Variants in SH2D4B observed in about 807,000 individuals in gnomAD.
The protein encoded by SH2D4B is SH2 domain-containing protein 4B.
In SH2D4B, 45 loss-of-function variants were observed where a neutral mutation model predicts 61.5. That is an observed-to-expected ratio of 0.73 (90% CI 0.58 to 0.94). The LOEUF (loss-of-function observed/expected upper bound fraction) is 0.94. Ranked by LOEUF, SH2D4B falls within the 40% of genes least tolerant of loss-of-function variation. The probability of loss-of-function intolerance (pLI) is 0.00; values close to 1 mark genes in which losing one functional copy is unlikely to be tolerated. For missense variants in SH2D4B, 572 were observed against 574.2 expected (o/e 1.00, Z 0.04); for synonymous variants, 224 against 220.4 (o/e 1.02, Z -0.14).
At chr10:80,608,297 CG>C (rs1200800933) in intron 5 of SH2D4B, among the ~76,000 whole-genome samples, 1 of 151,916 alleles carries the variant, frequency 6.6e-6, no homozygotes, top group East Asian at 1.9e-4. Context: ...GCACAGAGGG[CG>C]GGAGGAGGAG....
chr10:80,614,386 C>T (rs1430746152), intron 6 of SH2D4B, among the ~76,000 whole-genome samples: 3 of 152,188 alleles, frequency 2.0e-5, no homozygotes, highest in Non-Finnish European at 4.4e-5. Flanking sequence ...CATGAGAACT[C>T]ACTCACTGTG....
In SH2D4B at chr10:80,609,496, G is replaced by A. The variant is rs561425751; in HGVS notation, c.933G>A (p.Leu311=). The change falls in exon 6 of 8, where the codon CTG becomes CTA. Residue 311 remains leucine (L), a synonymous_variant. Coordinates refer to ENST00000646907, the MANE Select transcript of SH2D4B (RefSeq NM_001388272.1). ...TCCGCTGGTTTAAGGAGGAGCAGCT[G>A]CCTCGCCGAGCTGGCTTCGAGAGGA... is the stretch of plus-strand genomic sequence containing the variant. ...VIVRWFKEEQ[L]PRRAGFERNT... 6.2e-6 allele frequency: 10 copies of A among 1,614,220 alleles called. No homozygotes were observed. The African/African-American group carries it at 1.2e-4, about 19-fold the overall frequency.
At chr10:80,570,413 T>A (rs1165893423) in intron 2 of SH2D4B, 97 bp downstream of exon 2, 56 of 1,387,040 alleles carry the variant, frequency 4.0e-5, no homozygotes, top group Non-Finnish European at 5.3e-5. Context: ...AGAGATGGAG[T>A]TCCATCATGT....
intron 4 of SH2D4B, among the ~76,000 whole-genome samples, chr10:80,590,383 GC>G (rs1459679233): frequency 1.3e-5 from 2 of 152,176 alleles, no homozygotes; most frequent in Non-Finnish European, 2.9e-5. Context: ...TTGTGGGCAA[GC>G]CCTTTACTGT....
intron 6 of SH2D4B, among the ~76,000 whole-genome samples, chr10:80,632,993 C>T (rs1039450517): frequency 3.3e-5 from 5 of 151,714 alleles, no homozygotes; most frequent in African/African-American, 9.7e-5. Context: ...CCCCTGGTTG[C>T]GCCAATTGTC....
At chr10:80,551,011 A>G (rs1019645414) in intron 1 of SH2D4B, among the ~76,000 whole-genome samples, 8 of 152,258 alleles carry the variant, frequency 5.3e-5, no homozygotes, top group African/African-American at 1.7e-4. Context: ...ATAAAGCACA[A>G]CAAGGAAAAG....
rs151180626 is a variant in SH2D4B at position 80,571,503 on chromosome 10, G to C, written c.420G>C (p.Ala140=). The change falls in exon 3 of 8, where the codon GCG becomes GCC. Residue 140 remains alanine, a synonymous_variant. Transcript: ENST00000646907. ...ALANEKARIL[A]EKWKVEMEDR... ...CCAATGAGAAAGCCCGGATCTTGGC[G>C]GAGAAGTGGAAAGTGGAGATGGAAG... 8.1e-6 allele frequency: 13 copies of C among 1,614,136 alleles called. No homozygotes were observed. The highest frequency in any genetic ancestry group is 1.1e-5 in the Non-Finnish European group (13 of 1,180,012).
At chr10:80,611,901 T>C (rs1481167260) in intron 6 of SH2D4B, among the ~76,000 whole-genome samples, 1 of 151,966 alleles carries the variant, frequency 6.6e-6, no homozygotes. Flanking sequence ...CCATAAAGCA[T>C]GCAGAAAAGT....
chr10:80,560,692 G>A (rs12250874), intron 1 of SH2D4B, among the ~76,000 whole-genome samples: 240 of 98,216 alleles, frequency 2.4e-3, no homozygotes, highest in African/African-American at 9.7e-3. Flanking sequence ...TCCTGGCCAA[G>A]CTTTTTTTTT....
intron 1 of SH2D4B, among the ~76,000 whole-genome samples, chr10:80,549,201 GA>G (rs1227391807): frequency 0.061 from 868 of 14,224 alleles, 8 homozygotes; most frequent in African/African-American, 0.27. Context: ...GATGGGACTT[GA>G]TTGTGTGTGT....
At chr10:80,554,003 C>T (rs538997496) in intron 1 of SH2D4B, among the ~76,000 whole-genome samples, 1 of 152,278 alleles carries the variant, frequency 6.6e-6, no homozygotes, top group African/African-American at 2.4e-5. Flanking sequence ...TTCTGCATCC[C>T]AGATTTGTAA....
rs1398030696 is a variant in SH2D4B at position 80,571,589 on chromosome 10, G to A, written c.495+11G>A. The A allele has an allele frequency of 6.8e-6, 11 of 1,612,788 alleles. No individual in the cohort carries two copies. The highest frequency in any genetic ancestry group is 2.2e-5 in the East Asian group (1 of 44,836). On this transcript the variant is annotated intron_variant, in intron 3 of 7. Coordinates refer to ENST00000646907, the MANE Select transcript of SH2D4B (RefSeq NM_001388272.1). Reference sequence around the variant, plus strand: ...CACGAGGAATTCAAGGTGGGCCAGCGCATGGGGCCCCTGCGTGCGGCCACC... The same window carrying A: ...CACGAGGAATTCAAGGTGGGCCAGCACATGGGGCCCCTGCGTGCGGCCACC...
At chr10:80,618,934 A>G (rs1297546868) in intron 6 of SH2D4B, among the ~76,000 whole-genome samples, 1 of 152,116 alleles carries the variant, frequency 6.6e-6, no homozygotes, top group African/African-American at 2.4e-5. Flanking sequence ...TAACATACGG[A>G]TTTATGGCTC....
chr10:80,571,596 G>C lies in SH2D4B; in HGVS notation c.495+18G>C. The C allele has an allele frequency of 6.2e-7, 1 of 1,611,856 alleles. No individual in the cohort carries two copies. Among genetic ancestry groups the C allele is most frequent in the Non-Finnish European group, 8.5e-7 (1 of 1,179,382 alleles). On this transcript the variant is annotated intron_variant, in intron 3 of 7. Transcript: ENST00000646907. Reference sequence around the variant, plus strand: ...AATTCAAGGTGGGCCAGCGCATGGGGCCCCTGCGTGCGGCCACCTAATTAG... The same window carrying C: ...AATTCAAGGTGGGCCAGCGCATGGGCCCCCTGCGTGCGGCCACCTAATTAG...
At chr10:80,565,390 C>CT (rs111239061) in intron 1 of SH2D4B, among the ~76,000 whole-genome samples, 23,458 of 143,044 alleles carry the variant, frequency 0.16, 1,992 homozygotes, top group African/African-American at 0.2. Context: ...ATTTCTTTTC[C>CT]TTTTTTTTTT....
In SH2D4B at chr10:80,602,801, C is replaced by T. The variant is rs891475956; in HGVS notation, c.644-778C>T. On this transcript the variant is annotated intron_variant, in intron 4 of 7. Transcript: ENST00000646907. ...GGTTGGGCCAGATGGTCTTTAAATG[C>T]TCCTTTGTTTTTTAGTAGGAAAGAG... is the stretch of plus-strand genomic sequence containing the variant. 6.6e-5 allele frequency among the ~76,000 whole-genome samples: 10 copies of T among 152,164 alleles called. No individual in the cohort carries two copies. In the South Asian group the frequency reaches 1.9e-3, roughly 28 times the overall value.
intron 1 of SH2D4B, among the ~76,000 whole-genome samples, chr10:80,540,238 G>C (rs1458614993): frequency 6.6e-6 from 1 of 152,190 alleles, no homozygotes; most frequent in African/African-American, 2.4e-5. Flanking sequence ...TCCCAGGTCA[G>C]GATCCCGCTT....
intron 6 of SH2D4B, among the ~76,000 whole-genome samples, chr10:80,633,638 C>T (rs540224195): frequency 2.0e-5 from 3 of 152,186 alleles, no homozygotes; most frequent in Non-Finnish European, 4.4e-5. Flanking sequence ...AGCATATCAA[C>T]GACTCCAAGG....
rs368206324 is a variant in SH2D4B, at chr10:80,609,413, T to C, written c.861-11T>C. On this transcript the variant is annotated splice_polypyrimidine_tract_variant and intron_variant, in intron 5 of 7. Coordinates refer to ENST00000646907, the MANE Select transcript of SH2D4B (RefSeq NM_001388272.1). ...TGACTCTTCTGCCCTCCCCACTTTC[T>C]TTCTCTTCAGCAGGACCTGGGAGCG... 1.2e-6 allele frequency: 2 copies of C among 1,608,602 alleles called. No homozygotes were observed. The highest frequency in any genetic ancestry group is 1.3e-5 in the African/African-American group (1 of 74,746).
Sources: allele counts gnomAD v4.1 joint callset (sites outside exome capture counted in the v4.1 genomes callset), GRCh38; gene constraint gnomAD v4.1.1; transcripts MANE v1.5; gene names NCBI Gene and HGNC (gene_info 2026-07-23, HGNC 2026-07-21).